PRUNE2: variants seen among roughly 807,000 people sequenced by gnomAD.
PRUNE2 encodes the protein protein prune homolog 2.
In PRUNE2, 164 loss-of-function variants were observed where a neutral mutation model predicts 252.0. The ratio of observed to expected loss-of-function variants is 0.65; its 90% confidence interval spans 0.57 to 0.74. The LOEUF (loss-of-function observed/expected upper bound fraction) is 0.74. Among genes scored for constraint, PRUNE2 ranks in the 30% least tolerant of loss-of-function variants. The probability of loss-of-function intolerance (pLI) is 0.00; values close to 1 mark genes in which losing one functional copy is unlikely to be tolerated. For synonymous variants in PRUNE2, 1,292 were observed against 1,350.2 expected (o/e 0.96, Z 0.94); for missense variants, 3,495 against 3,711.0 (o/e 0.94, Z 1.51).
intron 1 of PRUNE2, among the ~76,000 whole-genome samples, chr9:76,900,609 C>T (rs1463624798): frequency 6.6e-6 from 1 of 152,176 alleles, no homozygotes; most frequent in African/African-American, 2.4e-5. Context: ...CTGAATACAT[C>T]AGCCCTCCCC....
intron 6 of PRUNE2, among the ~76,000 whole-genome samples, chr9:76,765,376 A>G (rs921527689): frequency 2.0e-5 from 3 of 152,230 alleles, no homozygotes; most frequent in African/African-American, 7.2e-5. Flanking sequence ...ATAGGTAAAT[A>G]GTCCTTATAT....
intron 1 of PRUNE2, among the ~76,000 whole-genome samples, chr9:76,893,276 C>A (rs568347285): frequency 7.2e-5 from 11 of 152,258 alleles, no homozygotes; most frequent in African/African-American, 1.7e-4. Context: ...TAACAAAAAA[C>A]CCCTATGATT....
chr9:76,763,850 G>A (rs1447345252), intron 6 of PRUNE2, among the ~76,000 whole-genome samples: 9 of 152,122 alleles, frequency 5.9e-5, no homozygotes, highest in Non-Finnish European at 1.3e-4. Flanking sequence ...AGTGAGAGGT[G>A]CCCATGAGTC....
rs185572640 is a variant in PRUNE2, at chr9:76,834,057, A to G, written c.509-7325T>C. ...GCCACCACACCTGGCTAATTTTTGT[A>G]TTTTTAGGAGAGACGGGGTTTCACC... On this transcript the variant is annotated intron_variant, in intron 4 of 18. Coordinates refer to ENST00000376718, the MANE Select transcript of PRUNE2 (RefSeq NM_015225.3). 7.3e-5 allele frequency among the ~76,000 whole-genome samples: 11 copies of G among 151,720 alleles called. No individual in the cohort carries two copies. In the East Asian group the frequency reaches 2.2e-3, roughly 30 times the overall value.
intron 4 of PRUNE2, among the ~76,000 whole-genome samples, chr9:76,829,398 G>T (rs975106509): frequency 2.0e-5 from 3 of 152,306 alleles, no homozygotes; most frequent in Middle Eastern, 3.4e-3. Context: ...AGGAGTTTTA[G>T]TTAAGTAACC....
chr9:76,615,959 G>A (rs1288367001), intron 18 of PRUNE2, among the ~76,000 whole-genome samples: 1 of 151,896 alleles, frequency 6.6e-6, no homozygotes, highest in African/African-American at 2.4e-5. Flanking sequence ...TTAGCGAGAC[G>A]GGGTTTCACC....
In PRUNE2 at chr9:76,843,512, T is replaced by C. The variant is rs188865085; in HGVS notation, c.508+3003A>G. On this transcript the variant is annotated intron_variant, in intron 4 of 18. Coordinates refer to ENST00000376718, the MANE Select transcript of PRUNE2 (RefSeq NM_015225.3). ...AAAATGTGCATCAAAGTGATGATTA[T>C]TTACAGCACCCAAAAATCCAAAGTA... Among the ~76,000 whole-genome samples the C allele has an allele frequency of 3.9e-5, 6 of 152,276 alleles. No homozygotes were observed. The East Asian group carries it at 1.2e-3, about 29-fold the overall frequency.
In PRUNE2 at chr9:76,612,327, C is replaced by T. The variant is rs1587547803; in HGVS notation, c.*2243G>A. ...ATATATATAAATGGTGAGATTGTTG[C>T]TGTGTCTGTTTGGCTATAACAAGAG... On this transcript the variant is annotated 3_prime_UTR_variant, in exon 19 of 19. Coordinates refer to ENST00000376718, the MANE Select transcript of PRUNE2 (RefSeq NM_015225.3). 1 of 152,122 alleles carries T rather than the reference C, an allele frequency of 6.6e-6. No homozygotes were observed. Among genetic ancestry groups the T allele is most frequent in the Non-Finnish European group, 1.5e-5 (1 of 68,034 alleles). 9.4% of individuals were successfully genotyped at this position (152,122 alleles called of 1,614,324 possible).
intron 1 of PRUNE2, among the ~76,000 whole-genome samples, chr9:76,874,837 G>T (rs577806997): frequency 6.6e-6 from 1 of 152,122 alleles, no homozygotes; most frequent in South Asian, 2.1e-4. Context: ...CATGAGATGA[G>T]ATCAAAAGTG....
intron 6 of PRUNE2, among the ~76,000 whole-genome samples, chr9:76,746,318 A>G (rs1272994934): frequency 6.6e-6 from 1 of 152,058 alleles, no homozygotes; most frequent in Non-Finnish European, 1.5e-5. Flanking sequence ...TCACCCCCCA[A>G]CCTCGGGAGA....
At chr9:76,877,826 C>G (rs974224541) in intron 1 of PRUNE2, among the ~76,000 whole-genome samples, 1 of 152,222 alleles carries the variant, frequency 6.6e-6, no homozygotes, top group East Asian at 1.9e-4. Context: ...CTTCCAGCCA[C>G]TAGGGCTTAG....
At chr9:76,641,915 C>T (rs1842750993) in intron 12 of PRUNE2, 2 of 1,517,150 alleles carry the variant, frequency 1.3e-6, no homozygotes, top group African/African-American at 2.8e-5. Flanking sequence ...CAGCCAGCAA[C>T]TCTTCTCCTC....
At position 76,706,056 on chromosome 9, in the gene PRUNE2, T is replaced by A. The variant is rs775539033; in HGVS notation, c.6218A>T (p.Asp2073Val). The A allele has an allele frequency of 6.2e-7, 1 of 1,614,016 alleles. No homozygotes were observed. Among genetic ancestry groups the A allele is most frequent in the Non-Finnish European group, 8.5e-7 (1 of 1,179,890 alleles). ...TTTCAAACTGAAGGGCTTCTTAGCA[T>A]CTATCCACAAGTCAGGCGCGGCAGA... ...LASAAPDLWI[D>V]AKKPFSLKAD... The change falls in exon 8 of 19, where the codon GAT (aspartate) becomes GTT (valine). Residue 2073 changes from aspartate (D) to valine (V), a missense_variant. Physicochemically the swap from Asp to Val is radical, Grantham distance 152. Coordinates refer to ENST00000376718, the MANE Select transcript of PRUNE2 (RefSeq NM_015225.3).
chr9:76,860,108 C>T (rs2060469884), intron 1 of PRUNE2, among the ~76,000 whole-genome samples: 1 of 152,182 alleles, frequency 6.6e-6, no homozygotes, highest in African/African-American at 2.4e-5. Flanking sequence ...CTTTGCATAG[C>T]TGAGTCAGTT....
At chr9:76,894,484 G>A (rs191139541) in intron 1 of PRUNE2, among the ~76,000 whole-genome samples, 22 of 152,242 alleles carry the variant, frequency 1.4e-4, no homozygotes, top group Admixed American at 1.2e-3. Context: ...AGACATACCC[G>A]TGGCAGGGAG....
chr9:76,650,688 C>T (rs1226137230), intron 11 of PRUNE2, among the ~76,000 whole-genome samples: 1 of 152,162 alleles, frequency 6.6e-6, no homozygotes, highest in African/African-American at 2.4e-5. Context: ...CTGTCCTTTG[C>T]ATTTAAGACC....
chr9:76,859,163 A>G (rs1203462255), intron 1 of PRUNE2, among the ~76,000 whole-genome samples: 1 of 152,232 alleles, frequency 6.6e-6, no homozygotes, highest in African/African-American at 2.4e-5. Context: ...ACACTTCCAA[A>G]ATAGATGGAC....
chr9:76,616,268 T>G (rs1829625627), intron 18 of PRUNE2, among the ~76,000 whole-genome samples: 1 of 152,178 alleles, frequency 6.6e-6, no homozygotes, highest in East Asian at 1.9e-4. Flanking sequence ...TTCATATACC[T>G]TTACAAAACA....
intron 15 of PRUNE2, among the ~76,000 whole-genome samples, chr9:76,630,920 C>T (rs1486686119): frequency 6.6e-6 from 1 of 152,228 alleles, no homozygotes; most frequent in Admixed American, 6.5e-5. Context: ...AAAGGTCTCT[C>T]TAGTCTACTG....
Sources: gnomAD v4.1 joint callset for allele counts (sites outside exome capture counted in the v4.1 genomes callset) on GRCh38, gnomAD v4.1.1 for gene constraint, MANE v1.5 for transcripts, NCBI Gene and HGNC (gene_info 2026-07-23, HGNC 2026-07-21) for gene names.